Variants in TUBB1 observed in about 807,000 individuals in gnomAD.
TUBB1 encodes tubulin beta 1 class VI, also known as tubulin beta-1 chain.
A neutral mutation model predicts 22.6 loss-of-function variants in TUBB1; 28 were observed. The observed-to-expected ratio is 1.24, with a 90% CI of 0.92 to 1.70. The LOEUF (loss-of-function observed/expected upper bound fraction) is 1.70. TUBB1 is among the 40% of genes most tolerant of loss of function. TUBB1 has a pLI of 0.00. For synonymous variants in TUBB1, 226 were observed against 238.0 expected, an observed-to-expected ratio of 0.95 and a Z score of 0.46; for missense variants, 577 against 605.5, an observed-to-expected ratio of 0.95 and a Z score of 0.49.
In TUBB1 at chr20:59,020,473, T is replaced by G. The variant is rs148868393; in HGVS notation, c.57+894T>G. Among the ~76,000 whole-genome samples, 1,507 of 152,344 alleles carry G rather than the reference T, an allele frequency of 9.9e-3. 16 individuals carry two copies. Among genetic ancestry groups the G allele is most frequent in the Middle Eastern group, 0.037 (11 of 294 alleles). ...TGCTGGGATTATAGGCGTGAGCCACTGTACCTGGCCCACTTTTATCTTAAC... is the reference window on the plus strand; with the variant it reads ...TGCTGGGATTATAGGCGTGAGCCACGGTACCTGGCCCACTTTTATCTTAAC... On this transcript the variant is annotated intron_variant, in intron 1 of 3. Transcript: ENST00000217133.
upstream of TUBB1, among the ~76,000 whole-genome samples, chr20:59,017,471 T>G (rs1306805388): frequency 1.3e-5 from 2 of 152,228 alleles, no homozygotes; most frequent in Admixed American, 6.5e-5. Context: ...TGGCTGTGTG[T>G]TTGAGCTCCT....
At chr20:59,021,760 C>T (rs1420504835) in intron 1 of TUBB1, among the ~76,000 whole-genome samples, 7 of 152,234 alleles carry the variant, frequency 4.6e-5, no homozygotes, top group Admixed American at 1.3e-4. Flanking sequence ...TTTGGGAGGC[C>T]GAGGCAGGTG....
chr20:59,021,259 A>C (rs961622465), intron 1 of TUBB1, among the ~76,000 whole-genome samples: 1 of 152,218 alleles, frequency 6.6e-6, no homozygotes, highest in Non-Finnish European at 1.5e-5. Context: ...TCACTCTGGA[A>C]TCGTATGGTC....
chr20:59,018,808 G>A (rs533861202), upstream of TUBB1, among the ~76,000 whole-genome samples: 2 of 152,390 alleles, frequency 1.3e-5, no homozygotes, highest in South Asian at 2.1e-4. Context: ...ACCATGAGCT[G>A]AGATGGGACG....
chr20:59,023,443 C>G, intron 2 of TUBB1, 47 bp from the exon 3 acceptor site: 1 of 1,563,860 alleles, frequency 6.4e-7, no homozygotes, highest in Non-Finnish European at 8.8e-7. Flanking sequence ...AAAACATTAA[C>G]TTTTAGAAAA....
At position 59,023,737 on chromosome 20, in the gene TUBB1, G is replaced by T. The variant is rs757830242; in HGVS notation, c.310G>T (p.Gly104Cys). 2 of 1,614,218 alleles carry T rather than the reference G, an allele frequency of 1.2e-6. No homozygotes were observed. Among genetic ancestry groups the T allele is most frequent in the East Asian group, 4.5e-5 (2 of 44,886 alleles). The stretch of plus-strand genomic sequence containing the variant: ...TGGGGCTGGCAACAACTGGGCCAAA[G>T]GCCACTACACGGAGGGAGCCGAGCT... Reference protein sequence around the residue: ...NSGAGNNWAKGHYTEGAELIE... With the variant: ...NSGAGNNWAKCHYTEGAELIE... The change falls in exon 4 of 4, where the codon GGC becomes TGC. Residue 104 changes from glycine to cysteine, a missense_variant. Physicochemically the swap from Gly to Cys is radical, Grantham distance 159. Coordinates refer to ENST00000217133, the MANE Select transcript of TUBB1 (RefSeq NM_030773.4).
upstream of TUBB1, among the ~76,000 whole-genome samples, chr20:59,018,164 C>A (rs2091952458): frequency 6.6e-6 from 1 of 152,230 alleles, no homozygotes; most frequent in South Asian, 2.1e-4. Context: ...CCCCATCTTC[C>A]TTGGAAGCTT....
intron 1 of TUBB1, among the ~76,000 whole-genome samples, chr20:59,022,335 G>T (rs2091971449): frequency 7.1e-6 from 1 of 140,758 alleles, no homozygotes; most frequent in East Asian, 2.0e-4. Context: ...AAAAAAAAAA[G>T]GCGCTAATTA....
At chr20:59,018,411 CTT>C (rs745716387), upstream of TUBB1, among the ~76,000 whole-genome samples, 5 of 144,478 alleles carry the variant, frequency 3.5e-5, no homozygotes, top group Non-Finnish European at 4.6e-5. Flanking sequence ...TGAGGGAATG[CTT>C]TTTTTTTTTT....
upstream of TUBB1, among the ~76,000 whole-genome samples, chr20:59,017,332 T>C (rs2091949068): frequency 6.6e-6 from 1 of 150,728 alleles, no homozygotes; most frequent in Non-Finnish European, 1.5e-5. Flanking sequence ...CTGTCAGTAC[T>C]CAAGGGCAGC....
At chr20:59,018,178 C>T (rs1389339760), upstream of TUBB1, among the ~76,000 whole-genome samples, 1 of 152,218 alleles carries the variant, frequency 6.6e-6, no homozygotes, top group Admixed American at 6.5e-5. Context: ...GAAGCTTCCA[C>T]CTTCTGTCCT....
At position 59,023,745 on chromosome 20, in the gene TUBB1, C is replaced by A; in HGVS notation, c.318C>A (p.Tyr106Ter). Residue 106 changes from tyrosine to a stop codon, truncating the protein, a stop_gained, in exon 4 of 4, where the codon TAC becomes TAA. Transcript: ENST00000217133. LOFTEE classifies it high-confidence loss of function. Reference protein sequence around the residue: ...GAGNNWAKGHYTEGAELIENV... With the variant: ...GAGNNWAKGH ...GCAACAACTGGGCCAAAGGCCACTA[C>A]ACGGAGGGAGCCGAGCTGATCGAGA... 1.2e-6 allele frequency: 2 copies of A among 1,614,226 alleles called. No homozygotes were observed. The highest frequency in any genetic ancestry group is 1.7e-6 in the Non-Finnish European group (2 of 1,180,054).
chr20:59,024,915 A>G lies in TUBB1; in HGVS notation c.*132A>G, dbSNP rs2091987601. The stretch of plus-strand genomic sequence containing the variant: ...TGATATGCACTCACCATTAGCTTCG[A>G]CACAGGGACTGAGGGAGACAGGTGG... On this transcript the variant is annotated 3_prime_UTR_variant, in exon 4 of 4. Coordinates refer to ENST00000217133, the MANE Select transcript of TUBB1 (RefSeq NM_030773.4). The surrounding 1 kb of genome is among the most constrained non-coding windows in gnomAD (Gnocchi z 4.9). The G allele has an allele frequency of 1.2e-6, 1 of 828,556 alleles. No individual in the cohort carries two copies. Among genetic ancestry groups the G allele is most frequent in the African/African-American group, 1.7e-5 (1 of 59,602 alleles). 51.3% of individuals were successfully genotyped at this position (828,556 alleles called of 1,614,324 possible).
rs1336019838 is a variant in TUBB1 at position 59,022,030 on chromosome 20, TA to T, written c.58-808del. Among the ~76,000 whole-genome samples the T allele has an allele frequency of 7.8e-5, 9 of 114,936 alleles. No homozygotes were observed. In the East Asian group the frequency reaches 2.5e-3, roughly 31 times the overall value. 75.4% of individuals were successfully genotyped at this position (114,936 alleles called of 152,430 possible). Reference sequence around the variant, plus strand: ...AAATAAACAAACAAACAAACAAACATAAAAAAATAAAAAAAAGAAAGAAAGG... The same window carrying T: ...AAATAAACAAACAAACAAACAAACATAAAAAATAAAAAAAAGAAAGAAAGG... On this transcript the variant is annotated intron_variant, in intron 1 of 3. Coordinates refer to ENST00000217133, the MANE Select transcript of TUBB1 (RefSeq NM_030773.4).
intron 1 of TUBB1, among the ~76,000 whole-genome samples, chr20:59,020,878 T>C (rs940157795): frequency 3.9e-5 from 6 of 152,186 alleles, no homozygotes; most frequent in African/African-American, 1.4e-4. Context: ...AATTGCACCG[T>C]GCAAAATTTA....
chr20:59,023,340 G>C, intron 2 of TUBB1, 150 bp from the exon 3 acceptor site: 1 of 709,814 alleles, frequency 1.4e-6, no homozygotes, highest in South Asian at 1.6e-5. Context: ...TAAAAAATAT[G>C]ATGTTAGATA....
chr20:59,022,805 T>G, intron 1 of TUBB1, 40 bp from the exon 2 acceptor site: 1 of 1,592,458 alleles, frequency 6.3e-7, no homozygotes, highest in Non-Finnish European at 8.6e-7. Flanking sequence ...ACACAGCCTT[T>G]TTCGGGGTCC....
At chr20:59,017,590 C>T (rs1051403017), upstream of TUBB1, among the ~76,000 whole-genome samples, 1 of 152,222 alleles carries the variant, frequency 6.6e-6, no homozygotes, top group Non-Finnish European at 1.5e-5. Context: ...AGAAGGAACA[C>T]AAGGTTTAGG....
chr20:59,019,474 G>A lies in TUBB1; in HGVS notation c.-49G>A, dbSNP rs1300701750. 3 of 1,606,964 alleles carry A rather than the reference G, an allele frequency of 1.9e-6. No individual in the cohort carries two copies. The highest frequency in any genetic ancestry group is 2.7e-5 in the African/African-American group (2 of 74,782). On this transcript the variant is annotated 5_prime_UTR_variant, in exon 1 of 4. Transcript: ENST00000217133. The stretch of plus-strand genomic sequence containing the variant: ...CCAGTGAACCGAAGCTCTGGATTCT[G>A]AGAGTCTGAGGATTCCGTGAAGATC...
Sources: allele counts gnomAD v4.1 joint callset (sites outside exome capture counted in the v4.1 genomes callset), GRCh38; gene constraint gnomAD v4.1.1; non-coding constraint Gnocchi (gnomAD v3.1); transcripts MANE v1.5; gene names NCBI Gene and HGNC (gene_info 2026-07-23, HGNC 2026-07-21).